The following CDH7 variants were observed in gnomAD, a reference collection of about 807,000 sequenced individuals.
CDH7 encodes the protein cadherin 7, also known as cadherin-7.
Under a neutral mutation model 71.8 loss-of-function variants are expected in CDH7, and 25 were observed. That is an observed-to-expected ratio of 0.35 (90% CI 0.25 to 0.49). The LOEUF (loss-of-function observed/expected upper bound fraction) is 0.49, where lower values mean the gene tolerates loss of function less well. Ranked by LOEUF, CDH7 falls within the 20% of genes least tolerant of loss-of-function variation. CDH7 has a pLI of 0.99. For synonymous variants in CDH7, 381 were observed against 363.8 expected, an observed-to-expected ratio of 1.05 and a Z score of -0.54; for missense variants, 862 against 974.6, an observed-to-expected ratio of 0.88 and a Z score of 1.54.
At position 65,886,828 on chromosome 18, in the gene CDH7, T is replaced by C. The variant is rs1393506629; in HGVS notation, c.*5934T>C. Reference sequence around the variant, plus strand: ...TCTTGATGACTCAAACTCACTTATATCTTACAACAGCTCATCTTAATCTCT... The same window carrying C: ...TCTTGATGACTCAAACTCACTTATACCTTACAACAGCTCATCTTAATCTCT... On this transcript the variant is annotated 3_prime_UTR_variant, in exon 12 of 12. Transcript: ENST00000397968. 2 of 152,142 alleles carry C rather than the reference T, an allele frequency of 1.3e-5. No homozygotes were observed. The highest frequency in any genetic ancestry group is 2.1e-4 in the South Asian group (1 of 4,828). 9.4% of individuals were successfully genotyped at this position (152,142 alleles called of 1,614,324 possible). A position where few individuals can be genotyped will look rare whatever the true frequency, so the allele number is the denominator to read the frequency against.
chr18:65,782,295 T>G (rs1210724731), intron 2 of CDH7, among the ~76,000 whole-genome samples: 1 of 151,558 alleles, frequency 6.6e-6, no homozygotes, highest in Non-Finnish European at 1.5e-5. Flanking sequence ...GCCTCCTGAA[T>G]AGCTGGGATT....
chr18:65,815,813 A>G (rs1407003725), intron 4 of CDH7, among the ~76,000 whole-genome samples: 1 of 152,172 alleles, frequency 6.6e-6, no homozygotes, highest in African/African-American at 2.4e-5. Context: ...GTTTGACTGA[A>G]TGATAGATCT....
At chr18:65,854,449 A>G (rs369342086) in intron 7 of CDH7, among the ~76,000 whole-genome samples, 15 of 152,280 alleles carry the variant, frequency 9.9e-5, no homozygotes, top group East Asian at 9.7e-4. Flanking sequence ...AATTATTTGT[A>G]GTTTTCTATG....
At chr18:65,770,454 A>G (rs1168100404) in intron 2 of CDH7, among the ~76,000 whole-genome samples, 1 of 152,198 alleles carries the variant, frequency 6.6e-6, no homozygotes, top group East Asian at 1.9e-4. Flanking sequence ...AAGACATTAC[A>G]ATCTGATGTA....
At chr18:65,816,710 C>T (rs2143923672) in intron 4 of CDH7, among the ~76,000 whole-genome samples, 1 of 152,202 alleles carries the variant, frequency 6.6e-6, no homozygotes. Context: ...TTTTCTGCGT[C>T]AATTTCTCCT....
intron 2 of CDH7, among the ~76,000 whole-genome samples, chr18:65,783,928 A>G (rs1910410933): frequency 6.6e-6 from 1 of 152,080 alleles, no homozygotes; most frequent in Non-Finnish European, 1.5e-5. Context: ...AAGGCTGTCA[A>G]TGGAGAAGTC....
intron 7 of CDH7, among the ~76,000 whole-genome samples, chr18:65,844,964 A>T (rs931015566): frequency 6.6e-6 from 1 of 152,030 alleles, no homozygotes; most frequent in East Asian, 1.9e-4. Flanking sequence ...TCAATTAGAA[A>T]CTATCCACAG....
At chr18:65,840,401 G>A (rs1005335303) in intron 6 of CDH7, among the ~76,000 whole-genome samples, 16 of 83,160 alleles carry the variant, frequency 1.9e-4, no homozygotes, top group East Asian at 2.2e-3. Flanking sequence ...GAGAAGCAGC[G>A]CTTTTTTTTT....
Position 65,834,316 on chromosome 18 carries a change from A to G in CDH7, c.981+9485A>G, listed in dbSNP as rs981671264. On this transcript the variant is annotated intron_variant, in intron 6 of 11. Coordinates refer to ENST00000397968, the MANE Select transcript of CDH7 (RefSeq NM_004361.5). ...GGTAAATATGTCTAAGAAGTCATGA[A>G]TATAGGTCTGTAGTTCAAGGAAAAG... Among the ~76,000 whole-genome samples, 29 of 152,192 alleles carry G rather than the reference A, an allele frequency of 1.9e-4. 1 individual carries two copies. Among genetic ancestry groups the G allele is most frequent in the Admixed American group, 1.3e-3 (20 of 15,284 alleles).
chr18:65,780,916 CTGT>C (rs1910158301), intron 2 of CDH7, among the ~76,000 whole-genome samples: 1 of 111,384 alleles, frequency 9.0e-6, no homozygotes, highest in African/African-American at 4.4e-5. Context: ...CTCTCTATTC[CTGT>C]TTTTTTTTTT....
At chr18:65,878,143 C>A (rs1413054133) in intron 11 of CDH7, among the ~76,000 whole-genome samples, 2 of 152,090 alleles carry the variant, frequency 1.3e-5, no homozygotes, top group African/African-American at 4.8e-5. Context: ...TGTGTGCAGA[C>A]CTTCATTTCT....
chr18:65,850,189 A>ATATATATATATATATATATATATATAT (rs373950984), intron 7 of CDH7, among the ~76,000 whole-genome samples: 1 of 143,840 alleles, frequency 7.0e-6, no homozygotes, highest in African/African-American at 2.6e-5. Flanking sequence ...TATATATATA[A>ATATATATATATATATATATATATATAT]AATTAAATAC....
chr18:65,785,232 A>G (rs1910469333), intron 2 of CDH7, among the ~76,000 whole-genome samples: 1 of 147,342 alleles, frequency 6.8e-6, no homozygotes, highest in African/African-American at 2.7e-5. Context: ...CATATAATAT[A>G]TGTCATATAT....
At chr18:65,782,500 G>A (rs190420077) in intron 2 of CDH7, among the ~76,000 whole-genome samples, 1 of 152,172 alleles carries the variant, frequency 6.6e-6, no homozygotes. Context: ...GGGTTTACAA[G>A]TATATTAAAA....
At chr18:65,857,327 A>G (rs1461668185) in intron 7 of CDH7, among the ~76,000 whole-genome samples, 2 of 108,862 alleles carry the variant, frequency 1.8e-5, no homozygotes, top group African/African-American at 7.2e-5. Context: ...TATAATAATA[A>G]TAATAATAAT....
intron 9 of CDH7, among the ~76,000 whole-genome samples, chr18:65,859,365 T>A (rs1913478598): frequency 6.6e-6 from 1 of 152,214 alleles, no homozygotes; most frequent in African/African-American, 2.4e-5. Context: ...CAACCGGGTT[T>A]AAGTGTCTTA....
At position 65,844,174 on chromosome 18, in the gene CDH7, G is replaced by GATATATATATATATATATAT. The variant is rs1555688432; in HGVS notation, c.1235+123_1235+124insATATATATATATATATATAT. 6.8e-3 allele frequency: 1,539 copies of GATATATATATATATATATAT among 227,844 alleles called. 131 individuals carry two copies. Among genetic ancestry groups the GATATATATATATATATATAT allele is most frequent in the African/African-American group, 0.04 (1,315 of 32,636 alleles). The allele number at this position is 227,844 out of a possible 1,614,324, so 14.1% of individuals were successfully genotyped here. ...CTTTGTTCATAACAAATAAAAACCA[G>GATATATATATATATATATAT]ATATATATATATATCGAGTTATAAC... On this transcript the variant is annotated intron_variant, in intron 7 of 11. Coordinates refer to ENST00000397968, the MANE Select transcript of CDH7 (RefSeq NM_004361.5).
At chr18:65,805,303 G>A (rs1161067968) in intron 2 of CDH7, among the ~76,000 whole-genome samples, 2 of 152,192 alleles carry the variant, frequency 1.3e-5, no homozygotes, top group Non-Finnish European at 2.9e-5. Flanking sequence ...ATGTCTGTGA[G>A]TGGGTGTGTT....
intron 11 of CDH7, among the ~76,000 whole-genome samples, chr18:65,870,039 T>C (rs1913882634): frequency 6.6e-6 from 1 of 152,180 alleles, no homozygotes; most frequent in Non-Finnish European, 1.5e-5. Flanking sequence ...AAATGATGTT[T>C]GCAGGTTAGT....
Sources: allele counts gnomAD v4.1 joint callset (sites outside exome capture counted in the v4.1 genomes callset), GRCh38; gene constraint gnomAD v4.1.1; transcripts MANE v1.5; gene names NCBI Gene and HGNC (gene_info 2026-07-23, HGNC 2026-07-21).